VPS4B: variants seen among roughly 807,000 people sequenced by gnomAD.
The protein encoded by VPS4B is vacuolar protein sorting 4 homolog B, also known as vacuolar protein sorting-associated protein 4B.
A neutral mutation model predicts 56.1 loss-of-function variants in VPS4B; 23 were observed. The ratio of observed to expected loss-of-function variants is 0.41; its 90% confidence interval spans 0.30 to 0.58. The LOEUF is 0.58. Ranked by LOEUF, VPS4B falls within the 20% of genes least tolerant of loss-of-function variation. VPS4B has a pLI of 0.29. For missense variants in VPS4B, 372 were observed against 531.9 expected (o/e 0.70, Z 2.96); for synonymous variants, 177 against 186.0 (o/e 0.95, Z 0.39).
intron 10 of VPS4B, among the ~76,000 whole-genome samples, chr18:63,392,319 T>C (rs982048839): frequency 6.6e-6 from 1 of 152,230 alleles, no homozygotes; most frequent in African/African-American, 2.4e-5. Flanking sequence ...CAATATAAAC[T>C]ATATTAACTG....
At chr18:63,402,376 G>A (rs375230328) in intron 5 of VPS4B, among the ~76,000 whole-genome samples, 15 of 152,248 alleles carry the variant, frequency 9.9e-5, no homozygotes, top group South Asian at 2.1e-4. Flanking sequence ...AATCTCTGGC[G>A]TTAGAAGTCG....
intron 10 of VPS4B, among the ~76,000 whole-genome samples, chr18:63,391,850 C>A (rs144623221): frequency 1.3e-5 from 2 of 151,964 alleles, no homozygotes; most frequent in African/African-American, 4.8e-5. Context: ...CAATTAAGAT[C>A]GAAATGGTTA....
In VPS4B at chr18:63,422,376, C is replaced by G; in HGVS notation, c.-117G>C. The G allele has an allele frequency of 1.0e-6, 1 of 967,950 alleles. No homozygotes were observed. 60.0% of individuals were successfully genotyped at this position (967,950 alleles called of 1,614,324 possible). On this transcript the variant is annotated 5_prime_UTR_variant, in exon 1 of 11. Transcript: ENST00000238497. ...ACTGGGGAGGCCGGTGGTTCTCGGA[C>G]CGCGAAGGGCAGCCTCCCTTCCGGA...
In VPS4B at chr18:63,411,597, A is replaced by G. The variant is rs1916047825; in HGVS notation, c.28-19T>C. ...TCGCTTTCTGTTTGAGGGAGGCAAA[A>G]TAACAACATTTAAATCAAAGCATAA... On this transcript the variant is annotated intron_variant, in intron 1 of 10. Coordinates refer to ENST00000238497, the MANE Select transcript of VPS4B (RefSeq NM_004869.4). 2 of 1,510,748 alleles carry G rather than the reference A, an allele frequency of 1.3e-6. No individual in the cohort carries two copies. The highest frequency in any genetic ancestry group is 2.6e-5 in the South Asian group (2 of 75,752). The allele number at this position is 1,510,748 out of a possible 1,614,324, so 93.6% of individuals were successfully genotyped here.
intron 4 of VPS4B, 30 bp downstream of exon 4, chr18:63,407,402 A>G (rs1262107160): frequency 6.5e-7 from 1 of 1,535,300 alleles, no homozygotes; most frequent in Non-Finnish European, 8.9e-7. Context: ...TTAATAGGAT[A>G]GTAAATTTAA....
chr18:63,409,181 G>A (rs1000489691), intron 3 of VPS4B, among the ~76,000 whole-genome samples: 3 of 152,152 alleles, frequency 2.0e-5, no homozygotes, highest in Admixed American at 6.5e-5. Flanking sequence ...CTGGTTCCCC[G>A]ATCACATCTT....
chr18:63,399,260 T>C lies in VPS4B; in HGVS notation c.854A>G (p.Asp285Gly). 6.2e-7 allele frequency: 1 copy of C among 1,614,050 alleles called. No individual in the cohort carries two copies. The highest frequency in any genetic ancestry group is 8.5e-7 in the Non-Finnish European group (1 of 1,179,932). The change falls in exon 8 of 11, where the codon GAT (aspartate) becomes GGT (glycine). Residue 285 changes from aspartate (D) to glycine (G), a missense_variant. Physicochemically the swap from Asp to Gly is moderately conservative, Grantham distance 94 (BLOSUM62 -1). Coordinates refer to ENST00000238497, the MANE Select transcript of VPS4B (RefSeq NM_004869.4). The part of the protein sequence containing the change: ...LGATNIPWVL[D>G]SAIRRRFEKR... ...ATCCTACCTTCGCCTAATGGCAGAA[T>C]CCAGAACCCAGGGTATATTTGTAGC...
chr18:63,408,892 G>T (rs1439298184), intron 3 of VPS4B, among the ~76,000 whole-genome samples: 1 of 152,192 alleles, frequency 6.6e-6, no homozygotes, highest in Non-Finnish European at 1.5e-5. Context: ...TTTCAAGCAA[G>T]AGAGAAGAGC....
chr18:63,409,621 A>G (rs190837422), intron 3 of VPS4B, among the ~76,000 whole-genome samples: 1 of 152,328 alleles, frequency 6.6e-6, no homozygotes, highest in East Asian at 1.9e-4. Context: ...CATGTACTGA[A>G]TAAACAAATT....
intron 4 of VPS4B, among the ~76,000 whole-genome samples, chr18:63,406,677 C>A (rs59288692): frequency 2.6e-5 from 4 of 152,164 alleles, no homozygotes; most frequent in Non-Finnish European, 4.4e-5. Context: ...TTTATTGAGT[C>A]CCTAGACTTC....
intron 9 of VPS4B, among the ~76,000 whole-genome samples, 187 bp from the exon 10 acceptor site, chr18:63,393,736 T>C (rs1224915613): frequency 6.6e-6 from 1 of 152,024 alleles, no homozygotes; most frequent in African/African-American, 2.4e-5. Context: ...TAGATTTTGG[T>C]TGCTTTTAGT....
At chr18:63,395,579 T>C (rs763509650) in intron 9 of VPS4B, among the ~76,000 whole-genome samples, 6 of 152,240 alleles carry the variant, frequency 3.9e-5, no homozygotes, top group Non-Finnish European at 7.3e-5. Flanking sequence ...AAAAATCTTA[T>C]TATGGTACAT....
intron 1 of VPS4B, 40 bp from the exon 2 acceptor site, chr18:63,411,618 C>T: frequency 7.2e-7 from 1 of 1,392,610 alleles, no homozygotes; most frequent in African/African-American, 1.5e-5. Context: ...TAAATCAAAG[C>T]ATAAACATAA....
chr18:63,401,098 A>G (rs1171163224), intron 5 of VPS4B, among the ~76,000 whole-genome samples: 1 of 152,244 alleles, frequency 6.6e-6, no homozygotes, highest in Non-Finnish European at 1.5e-5. Flanking sequence ...TACAAAAATT[A>G]TATCCATAAA....
chr18:63,405,264 T>C (rs1160449718), intron 4 of VPS4B, among the ~76,000 whole-genome samples: 1 of 152,148 alleles, frequency 6.6e-6, no homozygotes, highest in Non-Finnish European at 1.5e-5. Flanking sequence ...CTATACTATT[T>C]ACTAGTATAT....
chr18:63,410,135 C>T (rs1346097830), intron 3 of VPS4B, among the ~76,000 whole-genome samples, 155 bp downstream of exon 3: 10 of 152,180 alleles, frequency 6.6e-5, no homozygotes. Flanking sequence ...AAAGAATGGG[C>T]ACGGCTGTGT....
chr18:63,405,799 A>G (rs1418007507), intron 4 of VPS4B, among the ~76,000 whole-genome samples: 2 of 149,816 alleles, frequency 1.3e-5, no homozygotes, highest in Non-Finnish European at 3.0e-5. Flanking sequence ...CTCTACAAAA[A>G]CAAACAAACA....
intron 1 of VPS4B, 34 bp downstream of exon 1, chr18:63,422,199 G>C (rs777498340): frequency 1.4e-6 from 2 of 1,470,384 alleles, no homozygotes; most frequent in East Asian, 2.8e-5. Flanking sequence ...CTCGATCCCA[G>C]CTCCCTAGGG....
intron 5 of VPS4B, 29 bp from the exon 6 acceptor site, chr18:63,400,732 G>A: frequency 3.8e-6 from 6 of 1,584,728 alleles, no homozygotes; most frequent in Non-Finnish European, 4.3e-6. Context: ...AAAATGTCAT[G>A]AGAATTTTAA....
Sources: gnomAD v4.1 joint callset for allele counts (sites outside exome capture counted in the v4.1 genomes callset) on GRCh38, gnomAD v4.1.1 for gene constraint, MANE v1.5 for transcripts, NCBI Gene and HGNC (gene_info 2026-07-23, HGNC 2026-07-21) for gene names.